Variants in CTXND2 observed in about 807,000 individuals in gnomAD.
The protein encoded by CTXND2 is cortexin domain containing 2.
At chr1:150,905,062 CCACACACACACACACACACACACA>C (rs58415621) in intron 1 of CTXND2, among the ~76,000 whole-genome samples, 2 of 130,826 alleles carry the variant, frequency 1.5e-5, no homozygotes, top group South Asian at 2.5e-4. Context: ...AAAAAGAAAA[CCACACACACACACACACACACACA>C]CACACACACA....
At chr1:150,900,848 G>A (rs587727297) in intron 1 of CTXND2, among the ~76,000 whole-genome samples, 1 of 152,086 alleles carries the variant, frequency 6.6e-6, no homozygotes, top group Non-Finnish European at 1.5e-5. Flanking sequence ...AAAACAATTC[G>A]AGACTGGGCA....
At chr1:150,906,991 C>A (rs1008156788) in intron 1 of CTXND2, among the ~76,000 whole-genome samples, 2 of 152,186 alleles carry the variant, frequency 1.3e-5, no homozygotes, top group African/African-American at 4.8e-5. Flanking sequence ...AAGACCAGGT[C>A]ACCTACTCAC....
intron 1 of CTXND2, among the ~76,000 whole-genome samples, chr1:150,902,177 A>T (rs1270924105): frequency 6.6e-6 from 1 of 152,010 alleles, no homozygotes; most frequent in Admixed American, 6.6e-5. Flanking sequence ...AGAGGCGGGC[A>T]GATCACAAGG....
chr1:150,912,602 GAA>G, exon 2 of CTXND2: 1 of 397,036 alleles, frequency 2.5e-6, no homozygotes. Context: ...ACAGTGAGAT[GAA>G]ACACAAGCCA....
intron 1 of CTXND2, 29 bp from the exon 2 acceptor site, chr1:150,912,213 A>G: frequency 2.5e-6 from 1 of 397,646 alleles, no homozygotes; most frequent in Middle Eastern, 6.3e-4. Context: ...ACACAAACCG[A>G]TAAGCCTGTT....
chr1:150,898,931 A>AAAAT (rs1553235145), intron 1 of CTXND2, among the ~76,000 whole-genome samples: 41 of 139,100 alleles, frequency 2.9e-4, no homozygotes, highest in African/African-American at 8.4e-4. Context: ...CAAAAAAAAA[A>AAAAT]ATATATATAT....
intron 1 of CTXND2, among the ~76,000 whole-genome samples, chr1:150,902,268 G>T (rs587667555): frequency 3.3e-5 from 5 of 151,790 alleles, no homozygotes; most frequent in African/African-American, 1.2e-4. Context: ...TTAGCCAGGC[G>T]TGGTGGTGGG....
intron 1 of CTXND2, among the ~76,000 whole-genome samples, chr1:150,887,813 C>T (rs1668792908): frequency 6.6e-6 from 1 of 151,952 alleles, no homozygotes; most frequent in African/African-American, 2.4e-5. Flanking sequence ...TCAAGAATGG[C>T]AGGTCATTGC....
chr1:150,905,786 C>T (rs1443332144), intron 1 of CTXND2, among the ~76,000 whole-genome samples: 3 of 150,940 alleles, frequency 2.0e-5, no homozygotes, highest in Non-Finnish European at 3.0e-5. Context: ...GTCAGGATAT[C>T]GAGACCATCC....
exon 2 of CTXND2, chr1:150,912,717 G>C: frequency 2.9e-6 from 1 of 349,338 alleles, no homozygotes; most frequent in Non-Finnish European, 5.1e-6. Flanking sequence ...AGTGCCTAAG[G>C]TCCTTAGGAT....
chr1:150,895,396 T>C (rs1273557266), intron 1 of CTXND2, among the ~76,000 whole-genome samples: 1 of 152,060 alleles, frequency 6.6e-6, no homozygotes, highest in Non-Finnish European at 1.5e-5. Flanking sequence ...CAGGCTGCAG[T>C]GCAGAGACGC....
intron 1 of CTXND2, among the ~76,000 whole-genome samples, chr1:150,905,272 T>C (rs587713096): frequency 6.6e-6 from 1 of 151,950 alleles, no homozygotes; most frequent in South Asian, 2.1e-4. Flanking sequence ...GCCTCCCAAG[T>C]AGCTGGGACT....
intron 1 of CTXND2, among the ~76,000 whole-genome samples, chr1:150,910,579 T>A (rs1470386209): frequency 3.3e-5 from 5 of 151,996 alleles, no homozygotes; most frequent in Non-Finnish European, 5.9e-5. Flanking sequence ...CTTGGTACCC[T>A]AGTTTAAAAT....
At chr1:150,892,528 C>CTTTTTTTTTTTTTTT (rs5777740) in intron 1 of CTXND2, among the ~76,000 whole-genome samples, 1 of 123,350 alleles carries the variant, frequency 8.1e-6, no homozygotes. Flanking sequence ...TCTTCTTCTT[C>CTTTTTTTTTTTTTTT]TTTTTTTTTT....
chr1:150,906,798 G>T (rs938041870), intron 1 of CTXND2, among the ~76,000 whole-genome samples: 1 of 152,194 alleles, frequency 6.6e-6, no homozygotes, highest in Non-Finnish European at 1.5e-5. Context: ...AGCAGTGGGA[G>T]GTGCCAGGAG....
At chr1:150,888,276 C>T (rs986154230) in intron 1 of CTXND2, among the ~76,000 whole-genome samples, 6 of 149,810 alleles carry the variant, frequency 4.0e-5, no homozygotes, top group Admixed American at 6.7e-5. Context: ...TGCAGTGGCG[C>T]GATCTTGGCT....
intron 1 of CTXND2, among the ~76,000 whole-genome samples, chr1:150,901,477 T>C (rs768782485): frequency 5.9e-5 from 9 of 152,334 alleles, no homozygotes; most frequent in South Asian, 2.1e-4. Context: ...GGTGCTCACA[T>C]GTTATGATTT....
At chr1:150,898,921 C>CAA (rs750129735) in intron 1 of CTXND2, among the ~76,000 whole-genome samples, 18,061 of 125,606 alleles carry the variant, frequency 0.14, 1,888 homozygotes, top group African/African-American at 0.28. Flanking sequence ...ACTAAAAATA[C>CAA]AAAAAAAAAA....
intron 1 of CTXND2, among the ~76,000 whole-genome samples, chr1:150,909,506 C>A (rs1432534930): frequency 1.3e-5 from 2 of 151,778 alleles, no homozygotes; most frequent in African/African-American, 4.8e-5. Flanking sequence ...GCAGTGACCC[C>A]AGACGGCACC....
Sources: allele counts gnomAD v4.1 joint callset (sites outside exome capture counted in the v4.1 genomes callset), GRCh38; gene constraint gnomAD v4.1.1; transcripts MANE v1.5; gene names NCBI Gene and HGNC (gene_info 2026-07-23, HGNC 2026-07-21).